Variants in CFAP43 observed in about 807,000 individuals in gnomAD.
CFAP43 encodes the protein cilia and flagella associated protein 43.
Under a neutral mutation model 218.9 loss-of-function variants are expected in CFAP43, and 155 were observed. That is an observed-to-expected ratio of 0.71 (90% confidence interval 0.62 to 0.81). The LOEUF (loss-of-function observed/expected upper bound fraction) is 0.81. Ranked by LOEUF, CFAP43 falls within the 30% of genes least tolerant of loss-of-function variation. The pLI, the probability that CFAP43 is intolerant of heterozygous loss-of-function variation, is 0.00. For missense variants in CFAP43, 1,778 were observed against 1,954.3 expected, an observed-to-expected ratio of 0.91 and a Z score of 1.70; for synonymous variants, 645 against 681.3, an observed-to-expected ratio of 0.95 and a Z score of 0.83.
rs1259904960 is a variant in CFAP43, at chr10:104,196,925, T to G, written c.1221A>C (p.Thr407=). ...ACCAAACACAAATTTCCCCTGAATA[T>G]GTAAGTGTCTGTAAAAAAAGAAAAA... ...TPGTQYFMTL[T]YSGEICVWWL... The change falls in exon 10 of 38, where the codon ACA becomes ACC. Residue 407 remains threonine, a synonymous_variant. Transcript: ENST00000357060. 3 of 1,608,286 alleles carry G rather than the reference T, an allele frequency of 1.9e-6. No individual in the cohort carries two copies. The highest frequency in any genetic ancestry group is 2.5e-6 in the Non-Finnish European group (3 of 1,178,368).
chr10:104,194,332 G>C lies in CFAP43; in HGVS notation c.1294-318C>G, dbSNP rs538039732. Among the ~76,000 whole-genome samples the C allele has an allele frequency of 1.7e-3, 252 of 152,290 alleles. 1 individual carries two copies. The highest frequency in any genetic ancestry group is 3.0e-3 in the Non-Finnish European group (207 of 68,030). ...ATGATTATGCCAATAATCTATTTAA[G>C]TGATTGTGAAACAATTAGACCAATA... On this transcript the variant is annotated intron_variant, in intron 10 of 37. Transcript: ENST00000357060.
chr10:104,157,775 T>TGAGAGAGAGA lies in CFAP43; in HGVS notation c.3540+3252_3540+3261dup, dbSNP rs139314213. 2.3e-3 allele frequency among the ~76,000 whole-genome samples: 207 copies of TGAGAGAGAGA among 90,132 alleles called. 2 individuals are homozygous for TGAGAGAGAGA. Among genetic ancestry groups the TGAGAGAGAGA allele is most frequent in the East Asian group, 2.8e-3 (8 of 2,902 alleles). The allele number at this position is 90,132 out of a possible 152,430, so 59.1% of individuals were successfully genotyped here. A position where few individuals can be genotyped will look rare whatever the true frequency, so the allele number is the denominator to read the frequency against. On this transcript the variant is annotated intron_variant, in intron 27 of 37. Transcript: ENST00000357060. ...GTGTGTGTGTGTGTGTGTGTGTGTG[T>TGAGAGAGAGA]GAGAGAGAGAGAGAGAGAGAGAGAG...
intron 2 of CFAP43, among the ~76,000 whole-genome samples, chr10:104,226,975 G>A (rs1031730938): frequency 6.6e-5 from 10 of 152,088 alleles, no homozygotes; most frequent in Admixed American, 5.9e-4. Context: ...CCAAGACTGC[G>A]CCACTGCACT....
At position 104,168,827 on chromosome 10, in the gene CFAP43, G is replaced by A. The variant is rs1369025327; in HGVS notation, c.2608C>T (p.His870Tyr). The A allele has an allele frequency of 6.2e-7, 1 of 1,613,028 alleles. No individual in the cohort carries two copies. Among genetic ancestry groups the A allele is most frequent in the Non-Finnish European group, 8.5e-7 (1 of 1,179,470 alleles). ...GCCAAATAGCTCTTGGCTAAGTTAT[G>A]CATCTCTACATCCTTTATCATCTTG... ...VAKMIKDVEM[H>Y]NLAKSYLAEL... The change falls in exon 21 of 38, where the codon CAT (histidine) becomes TAT (tyrosine). Residue 870 changes from histidine (H) to tyrosine (Y), a missense_variant. By Grantham distance (83) the His-to-Tyr change is moderately conservative (BLOSUM62 2). This residue lies in a region of CFAP43 where 1,553 missense variants were observed against 1,685.2 expected (regional missense o/e 0.92). Coordinates refer to ENST00000357060, the MANE Select transcript of CFAP43 (RefSeq NM_025145.7).
At chr10:104,185,209 A>T in intron 15 of CFAP43, 63 bp from the exon 16 acceptor site, 1 of 1,589,070 alleles carries the variant, frequency 6.3e-7, no homozygotes, top group Non-Finnish European at 8.6e-7. Context: ...GGCTTTTCTA[A>T]TGGGGTTATA....
intron 15 of CFAP43, 125 bp from the exon 16 acceptor site, chr10:104,185,271 T>A (rs1438312298): frequency 3.1e-6 from 4 of 1,297,990 alleles, no homozygotes; most frequent in East Asian, 4.9e-5. Flanking sequence ...GCATTTTAAT[T>A]GGTATGGAAG....
At chr10:104,132,583 C>T in intron 35 of CFAP43, 1 of 941,228 alleles carries the variant, frequency 1.1e-6, no homozygotes, top group Non-Finnish European at 1.3e-6. Flanking sequence ...CCATTGCACT[C>T]CACCTGGGCA....
At chr10:104,164,587 A>T (rs2089056853) in intron 23 of CFAP43, among the ~76,000 whole-genome samples, 1 of 152,014 alleles carries the variant, frequency 6.6e-6, no homozygotes, top group East Asian at 1.9e-4. Context: ...TTTAATAGAG[A>T]CGGGGTTTCA....
intron 4 of CFAP43, 24 bp from the exon 5 acceptor site, chr10:104,212,181 A>G (rs1356126385): frequency 1.2e-6 from 2 of 1,602,590 alleles, no homozygotes; most frequent in African/African-American, 2.7e-5. Context: ...AGGCATCAGA[A>G]CAATGAGATG....
chr10:104,137,225 A>G (rs2087493310), intron 34 of CFAP43, among the ~76,000 whole-genome samples: 1 of 152,246 alleles, frequency 6.6e-6, no homozygotes, highest in African/African-American at 2.4e-5. Flanking sequence ...AATATTCACC[A>G]GCTGATGAAT....
At chr10:104,208,965 T>C (rs2090775498) in intron 5 of CFAP43, among the ~76,000 whole-genome samples, 1 of 152,204 alleles carries the variant, frequency 6.6e-6, no homozygotes, top group African/African-American at 2.4e-5. Flanking sequence ...CTCAGGGCTA[T>C]TTAAAGTCCT....
intron 19 of CFAP43, among the ~76,000 whole-genome samples, chr10:104,176,098 C>T (rs1484396227): frequency 6.6e-6 from 1 of 151,990 alleles, no homozygotes; most frequent in Non-Finnish European, 1.5e-5. Flanking sequence ...GAATTATTCT[C>T]AAGGTACAAG....
intron 3 of CFAP43, among the ~76,000 whole-genome samples, chr10:104,220,493 T>C (rs1315028166): frequency 1.3e-5 from 2 of 151,754 alleles, no homozygotes; most frequent in Non-Finnish European, 2.9e-5. Flanking sequence ...ATGAAAGCTA[T>C]AAAAGAGCTT....
chr10:104,155,229 G>A (rs372587142), intron 27 of CFAP43, among the ~76,000 whole-genome samples: 1 of 152,150 alleles, frequency 6.6e-6, no homozygotes, highest in Non-Finnish European at 1.5e-5. Flanking sequence ...GGGTAGTGGT[G>A]TAAACTTGGC....
Position 104,187,454 on chromosome 10 carries a change from C to A in CFAP43, c.1726G>T (p.Asp576Tyr). ...TACAGGTACTTATGAATGATTTCATCTTTCAGCCTTCCTCTTTCATCAGCA... is the reference window on the plus strand; with the variant it reads ...TACAGGTACTTATGAATGATTTCATATTTCAGCCTTCCTCTTTCATCAGCA... ...TFADERGRLK[D>Y]EIIHKYLYEL... The change falls in exon 14 of 38, where the codon GAT (aspartate) becomes TAT (tyrosine). Residue 576 changes from aspartate (D) to tyrosine (Y), a missense_variant. Around this residue, in one of 3 missense-constraint regions of CFAP43, gnomAD observed 1,553 missense variants for 1,685.2 expected, o/e 0.92. Transcript: ENST00000357060. 3 of 1,595,714 alleles carry A rather than the reference C, an allele frequency of 1.9e-6. No individual in the cohort carries two copies. Among genetic ancestry groups the A allele is most frequent in the Non-Finnish European group, 2.6e-6 (3 of 1,172,498 alleles).
In CFAP43 at chr10:104,130,067, G is replaced by A; in HGVS notation, c.*72C>T. The A allele has an allele frequency of 6.8e-7, 1 of 1,470,060 alleles. No homozygotes were observed. The highest frequency in any genetic ancestry group is 9.0e-7 in the Non-Finnish European group (1 of 1,105,942). 91.1% of individuals were successfully genotyped at this position (1,470,060 alleles called of 1,614,324 possible). A position where few individuals can be genotyped will look rare whatever the true frequency, so the allele number is the denominator to read the frequency against. ...TTCAATTTCCCAGTAAGAAAGAAAA[G>A]GAAATCATTTTACCCAAATGAAATG... On this transcript the variant is annotated 3_prime_UTR_variant, in exon 38 of 38. Coordinates refer to ENST00000357060, the MANE Select transcript of CFAP43 (RefSeq NM_025145.7).
At chr10:104,205,749 T>G (rs139146689) in intron 7 of CFAP43, among the ~76,000 whole-genome samples, 1 of 152,306 alleles carries the variant, frequency 6.6e-6, no homozygotes, top group African/African-American at 2.4e-5. Flanking sequence ...TTTGCAGTAA[T>G]ATATGGTAGT....
rs1479653032 is a variant in CFAP43, at chr10:104,146,274, CCAGT to C, written c.3840_3843del (p.Leu1281GlnfsTer59). On this transcript the variant is annotated frameshift_variant, in exon 30 of 38. Coordinates refer to ENST00000357060, the MANE Select transcript of CFAP43 (RefSeq NM_025145.7). LOFTEE classifies it high-confidence loss of function. ...ACAACAACTCTCACTTTGTCTTCTG[CCAGT>C]AAGTTGTCATAGTGCTCCTTGCACA... 8.7e-6 allele frequency: 14 copies of C among 1,613,344 alleles called. No homozygotes were observed. The highest frequency in any genetic ancestry group is 1.2e-5 in the Non-Finnish European group (14 of 1,179,522).
intron 19 of CFAP43, among the ~76,000 whole-genome samples, chr10:104,175,467 G>A (rs374659933): frequency 5.4e-4 from 82 of 152,210 alleles, no homozygotes; most frequent in African/African-American, 1.9e-3. Context: ...ATATACAGAT[G>A]CTCCTCAACT....
Sources: allele counts gnomAD v4.1 joint callset (sites outside exome capture counted in the v4.1 genomes callset), GRCh38; gene constraint gnomAD v4.1.1; regional missense constraint gnomAD v4.1.1; transcripts MANE v1.5; gene names NCBI Gene and HGNC (gene_info 2026-07-23, HGNC 2026-07-21).